The following SYNDIG1 variants were observed in gnomAD, a reference collection of about 807,000 sequenced individuals.
SYNDIG1 encodes synapse differentiation inducing 1.
A neutral mutation model predicts 19.4 loss-of-function variants in SYNDIG1; 9 were observed. The observed-to-expected ratio is 0.46, with a 90% confidence interval of 0.28 to 0.81. The LOEUF is 0.81. SYNDIG1 is among the 30% of genes least tolerant of loss of function. The pLI, the probability that SYNDIG1 is intolerant of heterozygous loss-of-function variation, is 0.12. For missense variants in SYNDIG1, 311 were observed against 343.3 expected, an observed-to-expected ratio of 0.91 and a Z score of 0.74; for synonymous variants, 141 against 145.9, an observed-to-expected ratio of 0.97 and a Z score of 0.24.
chr20:24,651,740 C>A (rs1443199113), intron 3 of SYNDIG1, among the ~76,000 whole-genome samples: 1 of 152,208 alleles, frequency 6.6e-6, no homozygotes, highest in African/African-American at 2.4e-5. Flanking sequence ...CCCCACTGAG[C>A]CACTCGTAAC....
In SYNDIG1 at chr20:24,658,607, A is replaced by C; in HGVS notation, c.619-6739A>C. Among the ~76,000 whole-genome samples the C allele has an allele frequency of 6.7e-6, 1 of 148,436 alleles. No homozygotes were observed. On this transcript the variant is annotated intron_variant, in intron 3 of 3. Coordinates refer to ENST00000376862, the MANE Select transcript of SYNDIG1 (RefSeq NM_024893.3). The surrounding 1 kb of genome is among the most constrained non-coding windows in gnomAD (Gnocchi z 4.4). ...CTGACATCGAACCGTGTGGAGTATG[A>C]CCCCCCACCCCCACCCCCCGGCGAT... is the stretch of plus-strand genomic sequence containing the variant.
rs1268299434 is a variant in SYNDIG1 at position 24,521,128 on chromosome 20, T to C, written c.-78-21892T>C. ...TGTTGTCTTCAAGGGTCATCCATGC[T>C]GTAACACTGAGGAAAATTTGCTTCA... On this transcript the variant is annotated intron_variant, in intron 1 of 3. Coordinates refer to ENST00000376862, the MANE Select transcript of SYNDIG1 (RefSeq NM_024893.3). Among the ~76,000 whole-genome samples, 8 of 152,244 alleles carry C rather than the reference T, an allele frequency of 5.3e-5. No individual in the cohort carries two copies. In the South Asian group the frequency reaches 1.0e-3, roughly 20 times the overall value.
chr20:24,480,786 G>A (rs1436381847), intron 1 of SYNDIG1, among the ~76,000 whole-genome samples: 1 of 152,202 alleles, frequency 6.6e-6, no homozygotes, highest in Non-Finnish European at 1.5e-5. Context: ...GTGAAATATA[G>A]TTCAGCCTTG....
intron 2 of SYNDIG1, among the ~76,000 whole-genome samples, chr20:24,558,025 A>C (rs186979942): frequency 1.2e-3 from 187 of 152,288 alleles, no homozygotes; most frequent in East Asian, 9.5e-3. Flanking sequence ...AGGGGTTTAT[A>C]TAGCAGGGAA....
intron 1 of SYNDIG1, among the ~76,000 whole-genome samples, chr20:24,513,501 G>A (rs6106897): frequency 0.015 from 2,291 of 152,298 alleles, 57 homozygotes; most frequent in African/African-American, 0.052. Flanking sequence ...TAGCCGATTC[G>A]ATCAACTGGA....
At chr20:24,599,344 C>T (rs973545941) in intron 3 of SYNDIG1, among the ~76,000 whole-genome samples, 6 of 152,018 alleles carry the variant, frequency 3.9e-5, no homozygotes, top group African/African-American at 1.4e-4. Flanking sequence ...ACAGATGTTG[C>T]TAAGTATGCA....
intron 3 of SYNDIG1, among the ~76,000 whole-genome samples, chr20:24,660,877 C>T (rs1475383844): frequency 6.6e-6 from 1 of 152,230 alleles, no homozygotes; most frequent in Non-Finnish European, 1.5e-5. Context: ...GAGCAGCACC[C>T]TCCTGGCCCC....
At chr20:24,479,012 A>T (rs1025904306) in intron 1 of SYNDIG1, among the ~76,000 whole-genome samples, 4 of 152,228 alleles carry the variant, frequency 2.6e-5, no homozygotes, top group Admixed American at 2.0e-4. Context: ...TTCTCCTTAG[A>T]CACTGCCCAG....
intron 1 of SYNDIG1, among the ~76,000 whole-genome samples, chr20:24,504,619 G>A (rs1183716364): frequency 6.6e-6 from 1 of 152,128 alleles, no homozygotes; most frequent in Non-Finnish European, 1.5e-5. Context: ...TTAGTTTTCA[G>A]TTTTCTTCAG....
In SYNDIG1 at chr20:24,554,763, C is replaced by A. The variant is rs963445424; in HGVS notation, c.480+11186C>A. ...TCATCAAGGATATTGGTCTAAAATTCTCTTTTTTGGTTGTGTCTCTGCCCG... is the reference window on the plus strand; with the variant it reads ...TCATCAAGGATATTGGTCTAAAATTATCTTTTTTGGTTGTGTCTCTGCCCG... On this transcript the variant is annotated intron_variant, in intron 2 of 3. Transcript: ENST00000376862. Among the ~76,000 whole-genome samples the A allele has an allele frequency of 7.1e-3, 1,072 of 150,352 alleles. 12 individuals carry two copies. The highest frequency in any genetic ancestry group is 0.024 in the African/African-American group (987 of 40,744).
intron 3 of SYNDIG1, among the ~76,000 whole-genome samples, chr20:24,590,260 G>C (rs1053111770): frequency 2.6e-5 from 4 of 152,124 alleles, no homozygotes; most frequent in Non-Finnish European, 4.4e-5. Context: ...GGGAGCACGT[G>C]GGGCAGGTGG....
intron 3 of SYNDIG1, among the ~76,000 whole-genome samples, chr20:24,644,454 C>T (rs1156780118): frequency 1.3e-5 from 2 of 152,190 alleles, no homozygotes; most frequent in Non-Finnish European, 2.9e-5. Context: ...GCACTTAGTG[C>T]CTTGCTTGTT....
intron 3 of SYNDIG1, among the ~76,000 whole-genome samples, chr20:24,649,902 T>C (rs2059453700): frequency 6.6e-6 from 1 of 152,166 alleles, no homozygotes; most frequent in Non-Finnish European, 1.5e-5. Context: ...CAGGAAAATA[T>C]TAAAATAGAA....
At chr20:24,589,918 C>A (rs1163442849) in intron 3 of SYNDIG1, among the ~76,000 whole-genome samples, 1 of 152,184 alleles carries the variant, frequency 6.6e-6, no homozygotes, top group African/African-American at 2.4e-5. Flanking sequence ...TTCATTTACC[C>A]ACTGATTAGT....
chr20:24,629,014 C>T (rs2059201074), intron 3 of SYNDIG1, among the ~76,000 whole-genome samples: 1 of 152,212 alleles, frequency 6.6e-6, no homozygotes, highest in Admixed American at 6.5e-5. Context: ...GAAAGACAGC[C>T]ACAGCTACTC....
chr20:24,539,988 G>A (rs2057437688), intron 1 of SYNDIG1, among the ~76,000 whole-genome samples: 1 of 151,964 alleles, frequency 6.6e-6, no homozygotes, highest in African/African-American at 2.4e-5. Flanking sequence ...CATGATGTTG[G>A]CCAGGCTGGT....
At chr20:24,594,364 A>G (rs919737361) in intron 3 of SYNDIG1, among the ~76,000 whole-genome samples, 1 of 151,872 alleles carries the variant, frequency 6.6e-6, no homozygotes, top group African/African-American at 2.4e-5. Flanking sequence ...TGGGTTCTCT[A>G]TTCTGTTTCA....
At chr20:24,536,178 T>C (rs2057358165) in intron 1 of SYNDIG1, among the ~76,000 whole-genome samples, 1 of 152,164 alleles carries the variant, frequency 6.6e-6, no homozygotes, top group African/African-American at 2.4e-5. Context: ...CATGCTGTCA[T>C]CCAGGCCTGA....
chr20:24,594,543 T>G (rs1042588949), intron 3 of SYNDIG1, among the ~76,000 whole-genome samples: 6 of 152,150 alleles, frequency 3.9e-5, no homozygotes, highest in African/African-American at 1.4e-4. Flanking sequence ...ATAAAATAAT[T>G]TGTTTTCCGA....
Sources: allele counts gnomAD v4.1 joint callset (sites outside exome capture counted in the v4.1 genomes callset), GRCh38; gene constraint gnomAD v4.1.1; non-coding constraint Gnocchi (gnomAD v3.1); transcripts MANE v1.5; gene names NCBI Gene and HGNC (gene_info 2026-07-23, HGNC 2026-07-21).